Variants in MSRA observed in about 807,000 individuals in gnomAD.
The protein encoded by MSRA is methionine sulfoxide reductase A.
In MSRA, 54 loss-of-function variants were observed where a neutral mutation model predicts 31.3. That is an observed-to-expected ratio of 1.73 (90% CI 1.39 to 2.17). The LOEUF (loss-of-function observed/expected upper bound fraction) is 2.17, where lower values mean the gene tolerates loss of function less well. Among genes scored for constraint, MSRA ranks in the 30% most tolerant of loss-of-function variants. The pLI is 0.00. For missense variants in MSRA, 507 were observed against 300.9 expected, an observed-to-expected ratio of 1.69 and a Z score of -5.07; for synonymous variants, 169 against 116.5, an observed-to-expected ratio of 1.45 and a Z score of -2.90.
At chr8:10,272,099 C>G (rs955652122) in intron 3 of MSRA, among the ~76,000 whole-genome samples, 1 of 152,178 alleles carries the variant, frequency 6.6e-6, no homozygotes, top group African/African-American at 2.4e-5. Flanking sequence ...CCCTTCATGC[C>G]TCCAAAACTT....
intron 1 of MSRA, among the ~76,000 whole-genome samples, chr8:10,203,576 G>C (rs192469022): frequency 1.5e-3 from 231 of 152,302 alleles, no homozygotes; most frequent in Non-Finnish European, 2.2e-3. Context: ...TCACACTGTT[G>C]TAAACAAACC....
intron 3 of MSRA, among the ~76,000 whole-genome samples, chr8:10,283,158 A>ACTCTCTCTCTCTCTCTCTCTCT (rs1326482845): frequency 1.2e-5 from 1 of 82,616 alleles, no homozygotes; most frequent in African/African-American, 4.9e-5. Flanking sequence ...ACACACACAC[A>ACTCTCTCTCTCTCTCTCTCTCT]CACTCTCACC....
At chr8:10,384,354 C>A (rs180970050) in intron 5 of MSRA, among the ~76,000 whole-genome samples, 22 of 152,312 alleles carry the variant, frequency 1.4e-4, no homozygotes, top group Admixed American at 7.2e-4. Flanking sequence ...AGCCAGAGCT[C>A]CTGCCTTTGG....
intron 1 of MSRA, among the ~76,000 whole-genome samples, chr8:10,073,434 T>C (rs369113215): frequency 6.6e-6 from 1 of 152,206 alleles, no homozygotes; most frequent in South Asian, 2.1e-4. Flanking sequence ...CAGAATCGAG[T>C]AGTTGTGATA....
At chr8:10,317,980 C>T (rs952683952) in intron 4 of MSRA, among the ~76,000 whole-genome samples, 2 of 152,172 alleles carry the variant, frequency 1.3e-5, no homozygotes, top group Admixed American at 1.3e-4. Context: ...CACCAGGCCC[C>T]TTGTCAGACC....
intron 3 of MSRA, among the ~76,000 whole-genome samples, chr8:10,290,228 C>T (rs886157347): frequency 6.6e-6 from 1 of 152,100 alleles, no homozygotes; most frequent in African/African-American, 2.4e-5. Flanking sequence ...AGAAGCACTG[C>T]CTGGACTGTG....
chr8:10,095,779 A>C, intron 1 of MSRA: 1 of 1,183,096 alleles, frequency 8.5e-7, no homozygotes, highest in Non-Finnish European at 1.0e-6. Flanking sequence ...GTTGGTACAT[A>C]CAATGACGTT....
At chr8:10,268,058 A>G (rs1455633917) in intron 3 of MSRA, among the ~76,000 whole-genome samples, 1 of 152,288 alleles carries the variant, frequency 6.6e-6, no homozygotes, top group East Asian at 1.9e-4. Flanking sequence ...TTCAGGGCCA[A>G]GACCTGTAAT....
At chr8:10,103,893 G>A (rs191343048) in intron 1 of MSRA, among the ~76,000 whole-genome samples, 6 of 151,552 alleles carry the variant, frequency 4.0e-5, no homozygotes, top group East Asian at 1.9e-4. Context: ...TCTCTCTCAC[G>A]TCTGAAATTG....
At chr8:10,269,517 A>G (rs1798919843) in intron 3 of MSRA, among the ~76,000 whole-genome samples, 1 of 152,262 alleles carries the variant, frequency 6.6e-6, no homozygotes, top group African/African-American at 2.4e-5. Flanking sequence ...TGTGAACAAC[A>G]GGGAAGTGTT....
chr8:10,179,597 A>C (rs1431227238), intron 1 of MSRA, among the ~76,000 whole-genome samples: 1 of 152,090 alleles, frequency 6.6e-6, no homozygotes, highest in Non-Finnish European at 1.5e-5. Context: ...TTCTTTGTTG[A>C]CATTCCTGGT....
chr8:10,420,683 C>T lies in MSRA; in HGVS notation c.544-7465C>T, dbSNP rs373990880. Among the ~76,000 whole-genome samples, 39 of 152,226 alleles carry T rather than the reference C, an allele frequency of 2.6e-4. 1 individual carries two copies. In the East Asian group the frequency reaches 7.5e-3, roughly 29 times the overall value. On this transcript the variant is annotated intron_variant, in intron 5 of 5. Coordinates refer to ENST00000317173, the MANE Select transcript of MSRA (RefSeq NM_012331.5). Reference sequence around the variant, plus strand: ...CAGCAAGAGAGGGCAGCCCCCACCCCATGTACAAGTGCTTTTCATGCCTAT... The same window carrying T: ...CAGCAAGAGAGGGCAGCCCCCACCCTATGTACAAGTGCTTTTCATGCCTAT...
intron 1 of MSRA, among the ~76,000 whole-genome samples, chr8:10,202,478 A>G (rs1179510180): frequency 1.3e-5 from 2 of 152,222 alleles, no homozygotes; most frequent in African/African-American, 4.8e-5. Flanking sequence ...CCCCTGTGCC[A>G]TCTTTGTTTT....
intron 5 of MSRA, among the ~76,000 whole-genome samples, chr8:10,330,307 A>T (rs1458692280): frequency 6.6e-6 from 1 of 152,032 alleles, no homozygotes; most frequent in African/African-American, 2.4e-5. Context: ...AAATAGTTTT[A>T]ATTATACCAA....
intron 2 of MSRA, among the ~76,000 whole-genome samples, chr8:10,231,225 C>G (rs528517561): frequency 6.6e-6 from 1 of 151,878 alleles, no homozygotes; most frequent in East Asian, 1.9e-4. Flanking sequence ...GGAGCTGAGG[C>G]GGGCGGACAG....
At chr8:10,119,135 C>G (rs998022680) in intron 1 of MSRA, among the ~76,000 whole-genome samples, 1 of 152,174 alleles carries the variant, frequency 6.6e-6, no homozygotes, top group Non-Finnish European at 1.5e-5. Context: ...TCTCATAGTT[C>G]ATAGCTTGTG....
chr8:10,403,415 T>C (rs1221318855), intron 5 of MSRA, among the ~76,000 whole-genome samples: 2 of 152,122 alleles, frequency 1.3e-5, no homozygotes, highest in African/African-American at 4.8e-5. Flanking sequence ...GCTGGGATGA[T>C]GGGATCCCTT....
intron 5 of MSRA, among the ~76,000 whole-genome samples, chr8:10,422,667 C>T (rs992681064): frequency 2.6e-5 from 4 of 152,152 alleles, no homozygotes; most frequent in Non-Finnish European, 4.4e-5. Context: ...GGGAGCTAGG[C>T]TCAGGTCATT....
chr8:10,334,004 T>A (rs1355368862), intron 5 of MSRA, among the ~76,000 whole-genome samples: 3 of 151,944 alleles, frequency 2.0e-5, no homozygotes, highest in Non-Finnish European at 4.4e-5. Flanking sequence ...GGCCTATACG[T>A]TTTTCTCCCC....
Sources: allele counts gnomAD v4.1 joint callset (sites outside exome capture counted in the v4.1 genomes callset), GRCh38; gene constraint gnomAD v4.1.1; transcripts MANE v1.5; gene names NCBI Gene and HGNC (gene_info 2026-07-23, HGNC 2026-07-21).